The following MKLN1 variants were observed in gnomAD, a reference collection of about 807,000 sequenced individuals.
MKLN1 encodes the protein muskelin.
Under a neutral mutation model 99.0 loss-of-function variants are expected in MKLN1, and 18 were observed. The observed-to-expected ratio is 0.18, with a 90% CI of 0.13 to 0.27. The LOEUF (loss-of-function observed/expected upper bound fraction) is 0.27. Among genes scored for constraint, MKLN1 ranks in the 10% least tolerant of loss-of-function variants. The pLI is 1.00. For missense variants in MKLN1, 621 were observed against 875.9 expected (o/e 0.71, Z 3.67); for synonymous variants, 288 against 293.2 (o/e 0.98, Z 0.18).
chr7:131,152,894 T>G (rs1226979118), intron 2 of MKLN1, among the ~76,000 whole-genome samples: 1 of 152,108 alleles, frequency 6.6e-6, no homozygotes, highest in Non-Finnish European at 1.5e-5. Context: ...ATTTTTTTCC[T>G]CATAACTTAT....
chr7:131,402,079 T>G (rs1794563720), intron 6 of MKLN1, among the ~76,000 whole-genome samples: 1 of 152,204 alleles, frequency 6.6e-6, no homozygotes, highest in Non-Finnish European at 1.5e-5. Flanking sequence ...CAATGCTGTC[T>G]GATTGCATTT....
At chr7:131,461,635 A>T (rs1382158723) in intron 12 of MKLN1, among the ~76,000 whole-genome samples, 1 of 152,246 alleles carries the variant, frequency 6.6e-6, no homozygotes, top group Admixed American at 6.5e-5. Flanking sequence ...ACCAAGATCA[A>T]TATGGCTGGC....
intron 3 of MKLN1, among the ~76,000 whole-genome samples, chr7:131,300,400 G>A (rs1584900064): frequency 6.6e-6 from 1 of 151,950 alleles, no homozygotes; most frequent in East Asian, 1.9e-4. Flanking sequence ...TCAATGTGGG[G>A]CTGGGGGTGG....
At chr7:131,218,586 T>C (rs1020222395) in intron 3 of MKLN1, among the ~76,000 whole-genome samples, 1 of 152,234 alleles carries the variant, frequency 6.6e-6, no homozygotes, top group African/African-American at 2.4e-5. Context: ...TCCTTCACTG[T>C]CGTAATTTTT....
chr7:131,366,040 G>C (rs187350279), intron 1 of MKLN1, among the ~76,000 whole-genome samples: 45 of 152,256 alleles, frequency 3.0e-4, no homozygotes, highest in Admixed American at 2.9e-3. Context: ...CTTGGCCTTC[G>C]TGAGTAGTGT....
At chr7:131,179,008 G>T (rs1250201260) in intron 2 of MKLN1, among the ~76,000 whole-genome samples, 1 of 151,854 alleles carries the variant, frequency 6.6e-6, no homozygotes. Context: ...ATTTTAAGAA[G>T]GTATTTTCTT....
chr7:131,215,194 A>G (rs1288977937), intron 3 of MKLN1, among the ~76,000 whole-genome samples: 1 of 151,564 alleles, frequency 6.6e-6, no homozygotes, highest in Non-Finnish European at 1.5e-5. Context: ...GATTACAGGA[A>G]TGCACCACCA....
chr7:131,156,447 CAAAAAAAAAAAA>C (rs143988738), intron 2 of MKLN1, among the ~76,000 whole-genome samples: 5 of 74,672 alleles, frequency 6.7e-5, no homozygotes, highest in African/African-American at 1.1e-4. Context: ...GACTCTGTCT[CAAAAAAAAAAAA>C]AAAAAAAAAA....
Position 131,378,171 on chromosome 7 carries a change from G to T in MKLN1, c.168+2678G>T, listed in dbSNP as rs190060658. Reference sequence around the variant, plus strand: ...TTGTCATCCAGGCTGGAGTGCAGTGGCGTAATCTTGGCTCACTGCAGCCTC... The same window carrying T: ...TTGTCATCCAGGCTGGAGTGCAGTGTCGTAATCTTGGCTCACTGCAGCCTC... On this transcript the variant is annotated intron_variant, in intron 2 of 17. Transcript: ENST00000352689. 1.6e-4 allele frequency among the ~76,000 whole-genome samples: 25 copies of T among 152,252 alleles called. No homozygotes were observed. In the East Asian group the frequency reaches 4.4e-3, roughly 27 times the overall value.
At chr7:131,360,521 A>G (rs1584648373) in intron 1 of MKLN1, among the ~76,000 whole-genome samples, 1 of 152,288 alleles carries the variant, frequency 6.6e-6, no homozygotes, top group South Asian at 2.1e-4. Flanking sequence ...AACTAAGTCC[A>G]GCTTTAAATA....
intron 2 of MKLN1, among the ~76,000 whole-genome samples, chr7:131,168,869 CTTTT>C (rs61416767): frequency 1.4e-5 from 2 of 139,224 alleles, no homozygotes; most frequent in Admixed American, 7.2e-5. Flanking sequence ...TCGTTGTTTT[CTTTT>C]TTTTTTTTTT....
intron 9 of MKLN1, among the ~76,000 whole-genome samples, chr7:131,433,601 C>G (rs567614999): frequency 2.0e-4 from 31 of 152,298 alleles, no homozygotes; most frequent in African/African-American, 6.7e-4. Flanking sequence ...TACTCCCTAT[C>G]TTCTTGGCCC....
At chr7:131,305,780 A>G (rs1439423740) in intron 3 of MKLN1, among the ~76,000 whole-genome samples, 2 of 152,170 alleles carry the variant, frequency 1.3e-5, no homozygotes, top group African/African-American at 4.8e-5. Flanking sequence ...CTGGCACATC[A>G]CAGCCTTTCC....
rs534553598 is a variant in MKLN1, at chr7:131,304,758, G to A, written c.-178-70666G>A. Among the ~76,000 whole-genome samples the A allele has an allele frequency of 4.6e-5, 7 of 152,284 alleles. No homozygotes were observed. The South Asian group carries it at 1.5e-3, about 32-fold the overall frequency. ...TTAACCAATCACATAGAGAGCTATG[G>A]ATTTACTCTGGCCTATTTGGAGTGT... On this transcript the variant is annotated intron_variant, in intron 3 of 7. Transcript: ENST00000416992.
intron 1 of MKLN1, among the ~76,000 whole-genome samples, chr7:131,338,196 G>A (rs915016051): frequency 6.6e-6 from 1 of 152,130 alleles, no homozygotes; most frequent in Non-Finnish European, 1.5e-5. Flanking sequence ...CTTTTGCTAT[G>A]TGCAGTTTAA....
At chr7:131,300,916 A>G (rs919081165) in intron 3 of MKLN1, among the ~76,000 whole-genome samples, 1 of 152,182 alleles carries the variant, frequency 6.6e-6, no homozygotes, top group African/African-American at 2.4e-5. Context: ...CCATTGCAGT[A>G]TTTGGTTTCT....
At chr7:131,131,193 TTAAATAAATAAA>T (rs56293710) in intron 1 of MKLN1, among the ~76,000 whole-genome samples, 10 of 136,076 alleles carry the variant, frequency 7.3e-5, no homozygotes, top group African/African-American at 2.5e-4. Context: ...TCACCTCTAC[TTAAATAAATAAA>T]TAAATAAATA....
At chr7:131,450,916 C>T (rs966713255) in intron 12 of MKLN1, among the ~76,000 whole-genome samples, 4 of 151,928 alleles carry the variant, frequency 2.6e-5, no homozygotes, top group African/African-American at 9.7e-5. Flanking sequence ...CTGAAATACA[C>T]AGACTTGTTC....
rs903461770 is a variant in MKLN1 at position 131,206,714 on chromosome 7, G to A, written c.-179+3740G>A. 2.0e-5 allele frequency among the ~76,000 whole-genome samples: 3 copies of A among 151,886 alleles called. No individual in the cohort carries two copies. The South Asian group carries it at 6.2e-4, about 32-fold the overall frequency. On this transcript the variant is annotated intron_variant, in intron 3 of 7. Transcript: ENST00000416992. ...AGGACTACAGGCGTGCGCCACCGTGGCCGGCTAATTTTGTTTATTTTTTTA... is the reference window on the plus strand; with the variant it reads ...AGGACTACAGGCGTGCGCCACCGTGACCGGCTAATTTTGTTTATTTTTTTA...
Sources: gnomAD v4.1 joint callset for allele counts (sites outside exome capture counted in the v4.1 genomes callset) on GRCh38, gnomAD v4.1.1 for gene constraint, MANE v1.5 for transcripts, NCBI Gene and HGNC (gene_info 2026-07-23, HGNC 2026-07-21) for gene names.